SLC8B1: variants seen among roughly 807,000 people sequenced by gnomAD.
The protein encoded by SLC8B1 is mitochondrial sodium/calcium exchanger protein.
SLC8B1 carries 52 observed loss-of-function variants against 63.4 expected under a neutral mutation model. The observed-to-expected ratio is 0.82, with a 90% confidence interval of 0.66 to 1.03. The LOEUF (loss-of-function observed/expected upper bound fraction) is 1.03, where lower values mean the gene tolerates loss of function less well. SLC8B1 is among the 50% of genes least tolerant of loss of function. The pLI is 0.00. For missense variants in SLC8B1, 657 were observed against 741.7 expected, an observed-to-expected ratio of 0.89 and a Z score of 1.33; for synonymous variants, 336 against 323.9, an observed-to-expected ratio of 1.04 and a Z score of -0.40.
intron 15 of SLC8B1, chr12:113,302,637 A>G (rs7953252): frequency 0.11 from 50,979 of 455,970 alleles, 3,862 homozygotes; most frequent in African/African-American, 0.27. Flanking sequence ...GACATGAGGT[A>G]CCGTGTGGGC....
chr12:113,317,991 G>A (rs1301601899), intron 8 of SLC8B1, among the ~76,000 whole-genome samples: 2 of 152,104 alleles, frequency 1.3e-5, no homozygotes, highest in African/African-American at 4.8e-5. Context: ...TGTGTTGTGT[G>A]AGCATGTATT....
Position 113,303,082 on chromosome 12 carries a change from ACAC to A in SLC8B1, c.1557+1236_1557+1238del, listed in dbSNP as rs145077649. Among the ~76,000 whole-genome samples the A allele has an allele frequency of 4.6e-3, 699 of 150,826 alleles. 3 individuals carry two copies. The highest frequency in any genetic ancestry group is 7.4e-3 in the Non-Finnish European group (498 of 67,750). On this transcript the variant is annotated intron_variant, in intron 15 of 15. Transcript: ENST00000680972. ...CACACACACACACGTACACACACAC[ACAC>A]ACTTCCTAAACTCAGCACAAAGGCG...
intron 2 of SLC8B1, among the ~76,000 whole-genome samples, chr12:113,325,978 CA>C (rs758555745): frequency 2.0e-5 from 3 of 152,110 alleles, no homozygotes; most frequent in East Asian, 3.9e-4. Flanking sequence ...GTAGCCTTTC[CA>C]ACACTCCTGC....
At chr12:113,333,870 A>G (rs1344315924) in intron 1 of SLC8B1, among the ~76,000 whole-genome samples, 1 of 152,112 alleles carries the variant, frequency 6.6e-6, no homozygotes, top group Non-Finnish European at 1.5e-5. Context: ...CACCATGCCC[A>G]GCTAATTTTT....
intron 2 of SLC8B1, among the ~76,000 whole-genome samples, chr12:113,329,950 T>C (rs1236215386): frequency 1.3e-5 from 2 of 152,148 alleles, no homozygotes; most frequent in African/African-American, 4.8e-5. Flanking sequence ...TTGCAAAATC[T>C]GTCATTCTGC....
rs1956750802 is a variant in SLC8B1, at chr12:113,310,951, T to G, written c.1136-596A>C. On this transcript the variant is annotated intron_variant, in intron 11 of 15. Transcript: ENST00000680972. ...TGAATAGTTCAAATGTTCATATACC[T>G]GCATCAAGACCCTTCTTTTGTTCTT... Among the ~76,000 whole-genome samples the G allele has an allele frequency of 6.6e-5, 10 of 152,368 alleles. No individual in the cohort carries two copies. In the South Asian group the frequency reaches 2.1e-3, roughly 32 times the overall value.
At chr12:113,302,551 A>T in intron 15 of SLC8B1, 1 of 446,828 alleles carries the variant, frequency 2.2e-6, no homozygotes, top group South Asian at 1.6e-5. Flanking sequence ...AGTACAGAAG[A>T]GTAAAAGGGA....
chr12:113,315,595 C>T (rs185543072), intron 10 of SLC8B1, 119 bp from the exon 11 acceptor site: 252 of 1,269,990 alleles, frequency 2.0e-4, no homozygotes, highest in Admixed American at 3.5e-4. Context: ...TGACTGTGTG[C>T]GGGTTCCAGG....
chr12:113,299,695 A>G lies in SLC8B1; in HGVS notation c.*82T>C. On this transcript the variant is annotated 3_prime_UTR_variant, in exon 16 of 16. Transcript: ENST00000680972. ...CTCGTGCCCACAAGGGCCTTGCAGA[A>G]ATGCTCCGGTCCCTGGGCCTCCCCC... The G allele has an allele frequency of 7.1e-7, 1 of 1,413,282 alleles. No homozygotes were observed. Among genetic ancestry groups the G allele is most frequent in the African/African-American group, 1.4e-5 (1 of 70,686 alleles). 87.5% of individuals were successfully genotyped at this position (1,413,282 alleles called of 1,614,324 possible). A position where few individuals can be genotyped will look rare whatever the true frequency, so the allele number is the denominator to read the frequency against.
Position 113,315,365 on chromosome 12 carries a change from C to G in SLC8B1, c.1105G>C (p.Val369Leu), listed in dbSNP as rs959656384. The G allele has an allele frequency of 1.9e-6, 3 of 1,555,370 alleles. No homozygotes were observed. The highest frequency in any genetic ancestry group is 2.6e-6 in the Non-Finnish European group (3 of 1,148,976). ...CCCGACTGCAGGGTCAGGACCACAA[C>G]CAGGGGGCTGATAACCAGATGCAGA... The part of the protein sequence containing the change: ...NCLHLVISPL[V>L]VVLTLQSGTY... The change falls in exon 11 of 16, where the codon GTT (valine) becomes CTT (leucine). Residue 369 changes from valine (V) to leucine (L), a missense_variant. By Grantham distance (32) the Val-to-Leu change is conservative (BLOSUM62 1). Transcript: ENST00000680972.
At position 113,318,964 on chromosome 12, in the gene SLC8B1, C is replaced by G; in HGVS notation, c.802G>C (p.Glu268Gln). ...TCTGGGGTCCGATGCAGACTCTTAC[C>G]TGGAGTAACTGGCATGGGGCAGAAC... ...SLFCPMPVTP[E>Q]ILSDSEEDRV... Residue 268 changes from glutamate (E) to glutamine (Q), a missense_variant and splice_region_variant, in exon 8 of 16, where the codon GAG becomes CAG. Transcript: ENST00000680972. The G allele has an allele frequency of 3.1e-6, 5 of 1,613,590 alleles. No homozygotes were observed. Among genetic ancestry groups the G allele is most frequent in the Non-Finnish European group, 4.2e-6 (5 of 1,179,592 alleles).
intron 2 of SLC8B1, among the ~76,000 whole-genome samples, chr12:113,330,149 G>C (rs766071153): frequency 9.2e-5 from 14 of 152,164 alleles, no homozygotes; most frequent in Non-Finnish European, 2.9e-5. Flanking sequence ...GACCCCACTA[G>C]AGTATAAGCT....
chr12:113,320,759 C>A lies in SLC8B1; in HGVS notation c.421-73G>T, dbSNP rs1207008252. On this transcript the variant is annotated intron_variant, in intron 5 of 15. Coordinates refer to ENST00000680972, the MANE Select transcript of SLC8B1 (RefSeq NM_001358345.2). This position sits in a 1 kb window ranked among gnomAD's most constrained non-coding sequence, Gnocchi z 5.3. Reference sequence around the variant, plus strand: ...CCAGGCCTTCGACCCTATCCCCCAGCTTCCCCACACGGGGATAGACATGAC... The same window carrying A: ...CCAGGCCTTCGACCCTATCCCCCAGATTCCCCACACGGGGATAGACATGAC... 8.9e-6 allele frequency: 14 copies of A among 1,578,234 alleles called. No homozygotes were observed. The highest frequency in any genetic ancestry group is 1.2e-5 in the Non-Finnish European group (14 of 1,161,368).
rs761005338 is a variant in SLC8B1 at position 113,307,762 on chromosome 12, A to C, written c.1340T>G (p.Leu447Arg). ...GTTGCTCAGCCGGAAGACCACACCC[A>C]GGGACCGCAAGATGTTCACCACCTC... ...ATEVVNILRS[L>R]GVVFRLSNTV... Residue 447 changes from leucine (L) to arginine (R), a missense_variant, in exon 13 of 16, where the codon CTG becomes CGG. Physicochemically the swap from Leu to Arg is moderately radical, Grantham distance 102. Transcript: ENST00000680972. 2.5e-6 allele frequency: 4 copies of C among 1,613,844 alleles called. No homozygotes were observed. The African/African-American group carries it at 5.3e-5, about 22-fold the overall frequency.
chr12:113,332,731 CG>C lies in SLC8B1; in HGVS notation c.147del (p.Val50TrpfsTer2), dbSNP rs1566248388. On this transcript the variant is annotated frameshift_variant, in exon 2 of 16. Coordinates refer to ENST00000680972, the MANE Select transcript of SLC8B1 (RefSeq NM_001358345.2). LOFTEE classifies it high-confidence loss of function. ...CCTACCGGGATACTCACGTCTACCA[CG>C]GGGGTCTGGTTCACACCTGAAGCTG... is the stretch of plus-strand genomic sequence containing the variant. ...QFPASGVNQT[P>X]VVDCRKVCGL... 3 of 1,613,526 alleles carry C rather than the reference CG, an allele frequency of 1.9e-6. No homozygotes were observed. Among genetic ancestry groups the C allele is most frequent in the Non-Finnish European group, 2.5e-6 (3 of 1,179,744 alleles).
rs367774356 is a variant in SLC8B1, at chr12:113,315,317, G to T, written c.1135+18C>A. On this transcript the variant is annotated intron_variant, in intron 11 of 15. Coordinates refer to ENST00000680972, the MANE Select transcript of SLC8B1 (RefSeq NM_001358345.2). ...AAGGAGTAGGAAGGTGGGTTGGCCC[G>T]GGGTAGGGGATACTCACAGGTCCCC... The T allele has an allele frequency of 1.3e-6, 2 of 1,504,998 alleles. No homozygotes were observed. The highest frequency in any genetic ancestry group is 2.2e-5 in the Admixed American group (1 of 44,674). 93.2% of individuals were successfully genotyped at this position (1,504,998 alleles called of 1,614,324 possible).
chr12:113,328,559 A>C (rs1260539438), intron 2 of SLC8B1, among the ~76,000 whole-genome samples: 2 of 152,110 alleles, frequency 1.3e-5, no homozygotes, highest in East Asian at 1.9e-4. Context: ...GTCAGCTGTC[A>C]GGTCCTGGAA....
chr12:113,306,582 A>G lies in SLC8B1; in HGVS notation c.1412-7T>C, dbSNP rs1201271235. 2 of 1,613,552 alleles carry G rather than the reference A, an allele frequency of 1.2e-6. No individual in the cohort carries two copies. The highest frequency in any genetic ancestry group is 1.3e-5 in the African/African-American group (1 of 75,056). ...GTGAAATCCGAGAAGGCATCTGCAC[A>G]GGAACAAGAGGGGCCTGCAGTGGTG... is the stretch of plus-strand genomic sequence containing the variant. On this transcript the variant is annotated splice_polypyrimidine_tract_variant and splice_region_variant and intron_variant, in intron 13 of 15. Coordinates refer to ENST00000680972, the MANE Select transcript of SLC8B1 (RefSeq NM_001358345.2).
At chr12:113,329,040 C>T (rs937109359) in intron 2 of SLC8B1, among the ~76,000 whole-genome samples, 1 of 152,034 alleles carries the variant, frequency 6.6e-6, no homozygotes, top group African/African-American at 2.4e-5. Flanking sequence ...TGTGAGCCAC[C>T]GCACCCAGGC....
Sources: gnomAD v4.1 joint callset for allele counts (sites outside exome capture counted in the v4.1 genomes callset) on GRCh38, gnomAD v4.1.1 for gene constraint, Gnocchi (gnomAD v3.1) non-coding constraint, MANE v1.5 for transcripts, NCBI Gene and HGNC (gene_info 2026-07-23, HGNC 2026-07-21) for gene names.